SEPTIN7: variants seen among roughly 807,000 people sequenced by gnomAD.
SEPTIN7 encodes septin-7.
In SEPTIN7, 10 loss-of-function variants were observed where a neutral mutation model predicts 63.3. The ratio of observed to expected loss-of-function variants is 0.16; its 90% confidence interval spans 0.10 to 0.27. The LOEUF is 0.27. SEPTIN7 is among the 10% of genes least tolerant of loss of function. The pLI is 1.00. For synonymous variants in SEPTIN7, 131 were observed against 165.3 expected (o/e 0.79, Z 1.59); for missense variants, 310 against 521.0 (o/e 0.59, Z 3.94).
intron 7 of SEPTIN7, among the ~76,000 whole-genome samples, chr7:35,880,746 A>G (rs528235925): frequency 7.2e-5 from 11 of 152,214 alleles, no homozygotes; most frequent in African/African-American, 2.2e-4. Context: ...GTTCAAACCT[A>G]TGACCCTAAG....
At chr7:35,827,257 A>T (rs889510694) in intron 1 of SEPTIN7, among the ~76,000 whole-genome samples, 11 of 152,306 alleles carry the variant, frequency 7.2e-5, no homozygotes, top group African/African-American at 2.6e-4. Context: ...AGCTTGGGTG[A>T]ATATGCTTTT....
downstream of SEPTIN7, among the ~76,000 whole-genome samples, chr7:35,911,227 T>A (rs185759980): frequency 4.0e-3 from 616 of 152,338 alleles, 8 homozygotes; most frequent in Non-Finnish European, 3.6e-3. Context: ...TAATCACCAC[T>A]GCTGTGAGTA....
chr7:35,857,147 T>C (rs573267549), intron 3 of SEPTIN7, among the ~76,000 whole-genome samples: 11 of 152,304 alleles, frequency 7.2e-5, no homozygotes, highest in Admixed American at 3.9e-4. Flanking sequence ...TGAACACTTA[T>C]CAATCTGTTA....
chr7:35,894,573 A>G (rs1447840961), intron 11 of SEPTIN7, among the ~76,000 whole-genome samples: 1 of 152,188 alleles, frequency 6.6e-6, no homozygotes, highest in Non-Finnish European at 1.5e-5. Flanking sequence ...TAATGATAGT[A>G]GTTGGAAGTT....
chr7:35,854,287 A>G (rs1438092199), intron 3 of SEPTIN7, among the ~76,000 whole-genome samples: 1 of 152,234 alleles, frequency 6.6e-6, no homozygotes, highest in East Asian at 1.9e-4. Context: ...AGAAGAATTT[A>G]TAACTTACTG....
In SEPTIN7 at chr7:35,884,007, A is replaced by G. The variant is rs749608510; in HGVS notation, c.820+20A>G. ...CTGAAGGTAAGATTTTCTTCAGTGAATGACTTTCTAAAATATCTCAAAACT... is the reference window on the plus strand; with the variant it reads ...CTGAAGGTAAGATTTTCTTCAGTGAGTGACTTTCTAAAATATCTCAAAACT... On this transcript the variant is annotated intron_variant, in intron 9 of 13. Transcript: ENST00000350320. 29 of 1,446,010 alleles carry G rather than the reference A, an allele frequency of 2.0e-5. No homozygotes were observed. Among genetic ancestry groups the G allele is most frequent in the African/African-American group, 2.8e-5 (2 of 71,622 alleles). The allele number at this position is 1,446,010 out of a possible 1,614,324, so 89.6% of individuals were successfully genotyped here.
chr7:35,915,549 T>C, the SEPTIN7 span, among the ~76,000 whole-genome samples: 1 of 152,272 alleles, frequency 6.6e-6, no homozygotes, highest in East Asian at 1.9e-4. Context: ...TTCTGTTTTC[T>C]GCTTTCCTAG....
downstream of SEPTIN7, among the ~76,000 whole-genome samples, chr7:35,908,381 G>A (rs776813829): frequency 1.2e-4 from 19 of 152,186 alleles, no homozygotes; most frequent in Non-Finnish European, 2.5e-4. Flanking sequence ...TTTGCCCCAT[G>A]GGGTGCTGGA....
chr7:35,823,872 G>A (rs1424641027), intron 1 of SEPTIN7, among the ~76,000 whole-genome samples: 1 of 150,386 alleles, frequency 6.6e-6, no homozygotes, highest in East Asian at 1.9e-4. Flanking sequence ...TTTTTTTTTG[G>A]GATTTTCAAG....
At chr7:35,866,888 C>T (rs1470206652) in intron 4 of SEPTIN7, among the ~76,000 whole-genome samples, 2 of 152,172 alleles carry the variant, frequency 1.3e-5, no homozygotes, top group Non-Finnish European at 1.5e-5. Context: ...GAAGGCTTGT[C>T]GAAACACAGA....
At chr7:35,808,199 T>C (rs1266943127) in intron 1 of SEPTIN7, among the ~76,000 whole-genome samples, 1 of 151,476 alleles carries the variant, frequency 6.6e-6, no homozygotes, top group South Asian at 2.2e-4. Flanking sequence ...AGAGATACAG[T>C]GAAATCTCCT....
At chr7:35,809,346 G>A (rs1788554516) in intron 1 of SEPTIN7, among the ~76,000 whole-genome samples, 1 of 152,146 alleles carries the variant, frequency 6.6e-6, no homozygotes, top group African/African-American at 2.4e-5. Flanking sequence ...TATTGGAGAA[G>A]TAAATGAGAT....
chr7:35,839,631 C>T (rs534772035), intron 3 of SEPTIN7, among the ~76,000 whole-genome samples: 1 of 152,248 alleles, frequency 6.6e-6, no homozygotes, highest in South Asian at 2.1e-4. Context: ...CGGCTCACTG[C>T]AACCTCCACC....
At chr7:35,913,431 CT>C in the SEPTIN7 span, among the ~76,000 whole-genome samples, 2 of 151,930 alleles carry the variant, frequency 1.3e-5, no homozygotes, top group Non-Finnish European at 2.9e-5. Context: ...TTTTCTCTCT[CT>C]TTCTTTCTTT....
At chr7:35,874,381 T>G (rs754080933) in intron 6 of SEPTIN7, among the ~76,000 whole-genome samples, 6 of 152,168 alleles carry the variant, frequency 3.9e-5, no homozygotes, top group Non-Finnish European at 8.8e-5. Flanking sequence ...ATAGTTAGCC[T>G]GTACTCCCTT....
At chr7:35,858,418 C>T (rs1299300036) in intron 3 of SEPTIN7, among the ~76,000 whole-genome samples, 3 of 152,112 alleles carry the variant, frequency 2.0e-5, no homozygotes, top group South Asian at 2.1e-4. Context: ...TGCAGTAGTG[C>T]GATCTTGGCT....
At chr7:35,887,700 G>A (rs1428841672) in intron 10 of SEPTIN7, among the ~76,000 whole-genome samples, 2 of 152,170 alleles carry the variant, frequency 1.3e-5, no homozygotes, top group East Asian at 1.9e-4. Context: ...GGCTAGTGAG[G>A]GACCTCCCTA....
chr7:35,847,925 G>T (rs1341330671), intron 3 of SEPTIN7: 1 of 152,090 alleles, frequency 6.6e-6, no homozygotes, highest in African/African-American at 2.4e-5. Flanking sequence ...CTACTTCTTA[G>T]AACCACTGTA....
chr7:35,907,207 G>C (rs575080075), downstream of SEPTIN7: 1 of 152,330 alleles, frequency 6.6e-6, no homozygotes, highest in Admixed American at 6.5e-5. Flanking sequence ...GAAGGTCCTA[G>C]TGAAGACTGC....
Sources: gnomAD v4.1 joint callset for allele counts (sites outside exome capture counted in the v4.1 genomes callset) on GRCh38, gnomAD v4.1.1 for gene constraint, MANE v1.5 for transcripts, NCBI Gene and HGNC (gene_info 2026-07-23, HGNC 2026-07-21) for gene names.